The following KDM4C variants were observed in gnomAD, a reference collection of about 807,000 sequenced individuals.
The protein encoded by KDM4C is lysine-specific demethylase 4C.
A neutral mutation model predicts 129.3 loss-of-function variants in KDM4C; 81 were observed. That is an observed-to-expected ratio of 0.63 (90% CI 0.52 to 0.75). The LOEUF (loss-of-function observed/expected upper bound fraction) is 0.75. Among genes scored for constraint, KDM4C ranks in the 30% least tolerant of loss-of-function variants. The pLI, the probability that KDM4C is intolerant of heterozygous loss-of-function variation, is 0.00. For synonymous variants in KDM4C, 573 were observed against 456.1 expected (o/e 1.26, Z -3.26); for missense variants, 1,457 against 1,304.0 (o/e 1.12, Z -1.81).
chr9:6,919,483 A>T (rs916937074), intron 8 of KDM4C, among the ~76,000 whole-genome samples: 11 of 150,506 alleles, frequency 7.3e-5, no homozygotes, highest in Non-Finnish European at 1.3e-4. Context: ...TTTCTATTTA[A>T]CAATACTTTG....
chr9:6,896,060 G>A (rs2130924840), intron 8 of KDM4C, among the ~76,000 whole-genome samples: 1 of 152,210 alleles, frequency 6.6e-6, no homozygotes, highest in Non-Finnish European at 1.5e-5. Context: ...TGTGTTGCAT[G>A]TATATGTAGT....
Position 6,967,186 on chromosome 9 carries a change from G to C in KDM4C, c.922-13739G>C, listed in dbSNP as rs146971174. Among the ~76,000 whole-genome samples the C allele has an allele frequency of 5.3e-3, 805 of 152,270 alleles. 7 individuals are homozygous for C. Among genetic ancestry groups the C allele is most frequent in the African/African-American group, 0.018 (754 of 41,546 alleles). ...CACCTGTAATCCCAGCACTTGGGGA[G>C]GCCAAGGCAGGCGGATCACTTGAGG... On this transcript the variant is annotated intron_variant, in intron 8 of 21. Transcript: ENST00000381309.
chr9:6,937,159 C>T (rs184799152), intron 8 of KDM4C, among the ~76,000 whole-genome samples: 1 of 152,220 alleles, frequency 6.6e-6, no homozygotes, highest in East Asian at 1.9e-4. Flanking sequence ...TTATTTTTAA[C>T]ATAAGAACCT....
chr9:6,923,137 AGCACTGCCTCCTCC>A (rs1467610454), intron 8 of KDM4C, among the ~76,000 whole-genome samples: 1 of 152,124 alleles, frequency 6.6e-6, no homozygotes, highest in Non-Finnish European at 1.5e-5. Flanking sequence ...GGGTTTGTAA[AGCACTGCCTCCTCC>A]CCACTTCACC....
At chr9:6,861,790 T>TC (rs1312593592) in intron 5 of KDM4C, among the ~76,000 whole-genome samples, 1 of 151,844 alleles carries the variant, frequency 6.6e-6, no homozygotes, top group Non-Finnish European at 1.5e-5. Context: ...TTTTTTTTTT[T>TC]CTCGAGATGG....
chr9:6,798,606 T>C (rs371516434), intron 2 of KDM4C, among the ~76,000 whole-genome samples: 116 of 151,290 alleles, frequency 7.7e-4, no homozygotes, highest in African/African-American at 9.2e-4. Flanking sequence ...TTTCTTAGTA[T>C]AGAACAAAAT....
chr9:7,104,157 C>T, intron 18 of KDM4C: 1 of 372,060 alleles, frequency 2.7e-6, no homozygotes. Flanking sequence ...GGTGTTGGAT[C>T]TGTACACAGG....
chr9:7,086,854 A>C (rs1404572589), intron 17 of KDM4C, among the ~76,000 whole-genome samples: 1 of 152,192 alleles, frequency 6.6e-6, no homozygotes, highest in East Asian at 1.9e-4. Context: ...CCTGAGAGCC[A>C]GCCTGCAGTC....
At chr9:6,857,535 C>T (rs1840083140) in intron 5 of KDM4C, among the ~76,000 whole-genome samples, 1 of 152,106 alleles carries the variant, frequency 6.6e-6, no homozygotes. Context: ...GCACAGAATT[C>T]CCTAAAGGAA....
chr9:6,835,602 C>A, intron 4 of KDM4C: 1 of 884,182 alleles, frequency 1.1e-6, no homozygotes, highest in African/African-American at 1.6e-5. Flanking sequence ...AGTTGTGTTA[C>A]ACCCTTTCTT....
rs747411501 is a variant in KDM4C, at chr9:6,841,396, T to A, written c.436-8111T>A. Among the ~76,000 whole-genome samples, 2 of 152,148 alleles carry A rather than the reference T, an allele frequency of 1.3e-5. 1 individual carries two copies. The highest frequency in any genetic ancestry group is 2.9e-5 in the Non-Finnish European group (2 of 68,030). On this transcript the variant is annotated intron_variant, in intron 4 of 21. Transcript: ENST00000381309. Reference sequence around the variant, plus strand: ...ATATAGAGTGATAACTGTGAAGATATGGAAAGACTTAGCGAGAGAGTGACA... The same window carrying A: ...ATATAGAGTGATAACTGTGAAGATAAGGAAAGACTTAGCGAGAGAGTGACA...
At chr9:7,147,899 T>C (rs926478407) in intron 19 of KDM4C, among the ~76,000 whole-genome samples, 1 of 152,220 alleles carries the variant, frequency 6.6e-6, no homozygotes, top group Non-Finnish European at 1.5e-5. Context: ...GCTTGAGTTT[T>C]GCTCATGCCC....
Position 6,721,634 on chromosome 9 carries a change from G to A in KDM4C, c.49+637G>A, listed in dbSNP as rs146404372. 6.9e-3 allele frequency among the ~76,000 whole-genome samples: 1,004 copies of A among 144,464 alleles called. 15 individuals carry two copies. Among genetic ancestry groups the A allele is most frequent in the African/African-American group, 0.025 (949 of 38,286 alleles). 94.8% of individuals were successfully genotyped at this position (144,464 alleles called of 152,430 possible). A position where few individuals can be genotyped will look rare whatever the true frequency, so the allele number is the denominator to read the frequency against. ...GACGGAGTCTCGCTCTTTTGCCCAGGCTGTAGTGCAGTGGCGTGGTCTCGG... is the reference window on the plus strand; with the variant it reads ...GACGGAGTCTCGCTCTTTTGCCCAGACTGTAGTGCAGTGGCGTGGTCTCGG... On this transcript the variant is annotated intron_variant, in intron 1 of 17. Coordinates refer to the KDM4C transcript ENST00000536108.
At chr9:6,817,322 C>T (rs757916766) in intron 4 of KDM4C, among the ~76,000 whole-genome samples, 6 of 151,698 alleles carry the variant, frequency 4.0e-5, no homozygotes, top group Non-Finnish European at 8.8e-5. Flanking sequence ...CTGCCTCCAC[C>T]TCCTATGTAG....
At chr9:6,867,769 C>A (rs1842271043) in intron 5 of KDM4C, among the ~76,000 whole-genome samples, 1 of 152,304 alleles carries the variant, frequency 6.6e-6, no homozygotes, top group African/African-American at 2.4e-5. Flanking sequence ...GTGAACTTGA[C>A]AGAATGGCTT....
At chr9:7,155,168 G>A (rs1013134791) in intron 19 of KDM4C, among the ~76,000 whole-genome samples, 4 of 152,128 alleles carry the variant, frequency 2.6e-5, no homozygotes, top group African/African-American at 9.7e-5. Context: ...GTGTGCCCCA[G>A]GGTTGGGAAC....
At chr9:6,899,152 C>G (rs984976452) in intron 8 of KDM4C, among the ~76,000 whole-genome samples, 1 of 151,222 alleles carries the variant, frequency 6.6e-6, no homozygotes, top group Non-Finnish European at 1.5e-5. Flanking sequence ...TTGCTGCGCT[C>G]TTTTATTTTT....
At chr9:7,096,000 T>A (rs1836390170) in intron 17 of KDM4C, among the ~76,000 whole-genome samples, 1 of 152,204 alleles carries the variant, frequency 6.6e-6, no homozygotes, top group Non-Finnish European at 1.5e-5. Flanking sequence ...ACACCTATTT[T>A]GTGGTTTAGG....
intron 17 of KDM4C, among the ~76,000 whole-genome samples, chr9:7,054,216 G>A (rs1830575220): frequency 6.6e-6 from 1 of 152,202 alleles, no homozygotes; most frequent in South Asian, 2.1e-4. Flanking sequence ...CCATCTAGGG[G>A]GTTGTGTGAA....
Sources: allele counts gnomAD v4.1 joint callset (sites outside exome capture counted in the v4.1 genomes callset), GRCh38; gene constraint gnomAD v4.1.1; transcripts MANE v1.5; gene names NCBI Gene and HGNC (gene_info 2026-07-23, HGNC 2026-07-21).